The following ZC3H12B variants were observed in gnomAD, a reference collection of about 807,000 sequenced individuals.
The protein encoded by ZC3H12B is zinc finger CCCH-type containing 12B.
ZC3H12B carries 7 observed loss-of-function variants against 43.9 expected under a neutral mutation model. The observed-to-expected ratio is 0.16, with a 90% confidence interval of 0.09 to 0.30. The LOEUF is 0.30. Among genes scored for constraint, ZC3H12B ranks in the 10% least tolerant of loss-of-function variants. The pLI, the probability that ZC3H12B is intolerant of heterozygous loss-of-function variation, is 1.00. For synonymous variants in ZC3H12B, 222 were observed against 241.7 expected (o/e 0.92, Z 0.76); for missense variants, 475 against 670.2 (o/e 0.71, Z 3.22).
intron 2 of ZC3H12B, among the ~76,000 whole-genome samples, chrX:65,374,055 CTA>C (rs1383758402): frequency 2.4e-3 from 126 of 53,497 alleles, no homozygotes; most frequent in Non-Finnish European, 2.8e-3. Context: ...GTATATATAA[CTA>C]TATATATACA....
At chrX:65,420,581 C>T (rs1320338295) in intron 3 of ZC3H12B, among the ~76,000 whole-genome samples, 2 of 111,785 alleles carry the variant, frequency 1.8e-5, no homozygotes, top group Admixed American at 1.9e-4. Flanking sequence ...ATGACAACAC[C>T]AAAAGGGACA....
the ZC3H12B span, among the ~76,000 whole-genome samples, chrX:65,117,890 C>T: frequency 9.0e-6 from 1 of 111,194 alleles, no homozygotes; most frequent in African/African-American, 3.3e-5. Flanking sequence ...GGTATTATTT[C>T]TGGAGGGTGT....
chrX:65,340,075 A>C, the ZC3H12B span, among the ~76,000 whole-genome samples: 1 of 111,772 alleles, frequency 8.9e-6, no homozygotes, highest in Non-Finnish European at 1.9e-5. Flanking sequence ...CCGTTCCTGC[A>C]CCAACACTGC....
chrX:65,159,997 C>A, the ZC3H12B span, among the ~76,000 whole-genome samples: 1 of 111,773 alleles, frequency 8.9e-6, no homozygotes, highest in South Asian at 3.8e-4. Flanking sequence ...TGTCAAAGGC[C>A]TTTTCTGCAT....
chrX:65,303,920 A>T, the ZC3H12B span, among the ~76,000 whole-genome samples: 2 of 112,437 alleles, frequency 1.8e-5, no homozygotes, highest in African/African-American at 6.5e-5. Flanking sequence ...GATCTGTAAT[A>T]CTCTTGGATT....
At chrX:65,365,410 T>C (rs1211267180), upstream of ZC3H12B, among the ~76,000 whole-genome samples, 2 of 110,999 alleles carry the variant, frequency 1.8e-5, no homozygotes, top group Non-Finnish European at 3.8e-5. Flanking sequence ...CAAAACCGCA[T>C]CCAGGCTATC....
At chrX:65,110,223 T>C in the ZC3H12B span, among the ~76,000 whole-genome samples, 1 of 110,920 alleles carries the variant, frequency 9.0e-6, no homozygotes, top group Non-Finnish European at 1.9e-5. Context: ...GTTAAATATT[T>C]TCTCCTAGCC....
chrX:65,238,199 A>G, the ZC3H12B span, among the ~76,000 whole-genome samples: 1 of 111,964 alleles, frequency 8.9e-6, no homozygotes, highest in East Asian at 2.8e-4. Flanking sequence ...CTCTGGAACA[A>G]TTTAGCTGTA....
chrX:65,143,729 A>T, the ZC3H12B span, among the ~76,000 whole-genome samples: 4 of 102,005 alleles, frequency 3.9e-5, no homozygotes, highest in Non-Finnish European at 6.0e-5. Flanking sequence ...TGCCCAGCTA[A>T]TTTTTTTTTT....
At chrX:65,486,657 C>T (rs1391323443), upstream of ZC3H12B, among the ~76,000 whole-genome samples, 4 of 112,365 alleles carry the variant, frequency 3.6e-5, no homozygotes, top group Non-Finnish European at 5.6e-5. Context: ...GAGTAGGAAA[C>T]TTCCACAATA....
At chrX:65,428,425 C>G (rs1354298347) in intron 3 of ZC3H12B, among the ~76,000 whole-genome samples, 2 of 112,014 alleles carry the variant, frequency 1.8e-5, no homozygotes, top group African/African-American at 6.5e-5. Flanking sequence ...CTACATAATC[C>G]CATATTTCTT....
intron 3 of ZC3H12B, among the ~76,000 whole-genome samples, chrX:65,447,879 CCACAATGAGATACCA>C (rs1399423746): frequency 1.8e-5 from 2 of 111,557 alleles, no homozygotes; most frequent in African/African-American, 6.5e-5. Context: ...CAAATTAAAA[CCACAATGAGATACCA>C]CACAATGAGA....
the ZC3H12B span, among the ~76,000 whole-genome samples, chrX:65,181,146 A>G: frequency 4.8e-4 from 54 of 111,818 alleles, no homozygotes; most frequent in Non-Finnish European, 5.1e-4. Flanking sequence ...AAAACAAGCA[A>G]TGGGAAAAGG....
intron 3 of ZC3H12B, among the ~76,000 whole-genome samples, chrX:65,434,759 G>A (rs991473246): frequency 6.3e-5 from 7 of 111,090 alleles, no homozygotes; most frequent in African/African-American, 2.3e-4. Flanking sequence ...AAGAAGGGTA[G>A]TGGGTGAGTC....
the ZC3H12B span, among the ~76,000 whole-genome samples, chrX:65,064,465 C>T: frequency 8.0e-5 from 9 of 111,940 alleles, no homozygotes; most frequent in South Asian, 3.7e-4. Flanking sequence ...TGTGGTCTTG[C>T]GTGAGTTTCT....
the ZC3H12B span, among the ~76,000 whole-genome samples, chrX:65,083,771 C>A: frequency 6.4e-4 from 71 of 111,543 alleles, 1 homozygote; most frequent in East Asian, 0.019. Context: ...TTTTATGTGG[C>A]ATGACAAAAG....
chrX:65,428,090 A>G (rs1289559769), intron 3 of ZC3H12B, among the ~76,000 whole-genome samples: 1 of 112,152 alleles, frequency 8.9e-6, no homozygotes, highest in Non-Finnish European at 1.9e-5. Context: ...ATACTGGCCT[A>G]CAATCTCTCC....
the ZC3H12B span, among the ~76,000 whole-genome samples, chrX:65,161,219 G>GA: frequency 8.1e-5 from 9 of 110,932 alleles, no homozygotes; most frequent in South Asian, 3.8e-4. Flanking sequence ...GTGTGATGCT[G>GA]AAAAAAAATG....
At chrX:65,438,583 CAG>C (rs910292457) in intron 3 of ZC3H12B, among the ~76,000 whole-genome samples, 1 of 112,519 alleles carries the variant, frequency 8.9e-6, no homozygotes, top group African/African-American at 3.2e-5. Context: ...AAGCCCCAAA[CAG>C]AGATTTACCC....
Sources: gnomAD v4.1 joint callset for allele counts (sites outside exome capture counted in the v4.1 genomes callset) on GRCh38, gnomAD v4.1.1 for gene constraint, MANE v1.5 for transcripts, NCBI Gene and HGNC (gene_info 2026-07-23, HGNC 2026-07-21) for gene names.